The following SEMA3D variants were observed in gnomAD, a reference collection of about 807,000 sequenced individuals.
The protein encoded by SEMA3D is semaphorin 3D.
In SEMA3D, 84 loss-of-function variants were observed where a neutral mutation model predicts 100.1. The ratio of observed to expected loss-of-function variants is 0.84; its 90% CI spans 0.70 to 1.01. The LOEUF (loss-of-function observed/expected upper bound fraction) is 1.01, where lower values mean the gene tolerates loss of function less well. SEMA3D is among the 50% of genes least tolerant of loss of function. SEMA3D has a pLI of 0.00. For missense variants in SEMA3D, 875 were observed against 934.1 expected (o/e 0.94, Z 0.82); for synonymous variants, 312 against 320.7 (o/e 0.97, Z 0.29).
At position 85,119,294 on chromosome 7, in the gene SEMA3D, A is replaced by G. The variant is rs550353132; in HGVS notation, c.151+2447T>C. 7.2e-4 allele frequency among the ~76,000 whole-genome samples: 110 copies of G among 152,320 alleles called. 1 individual carries two copies. Among genetic ancestry groups the G allele is most frequent in the African/African-American group, 2.6e-3 (107 of 41,578 alleles). On this transcript the variant is annotated intron_variant, in intron 3 of 18. Transcript: ENST00000284136. ...ATACCCCCAAAATATAAATCTTTCT[A>G]TTATAAAGACACATGCATTTGTATG... is the stretch of plus-strand genomic sequence containing the variant.
the SEMA3D span, among the ~76,000 whole-genome samples, chr7:85,236,832 A>G: frequency 2.0e-5 from 3 of 152,334 alleles, no homozygotes; most frequent in African/African-American, 7.2e-5. Context: ...TGAGTAAAGT[A>G]CATAAGCTAA....
At chr7:85,142,413 A>G (rs1790078558) in intron 2 of SEMA3D, 3 of 918,038 alleles carry the variant, frequency 3.3e-6, no homozygotes, top group Non-Finnish European at 3.9e-6. Flanking sequence ...ACTCAATAAT[A>G]AAATCTTTCT....
chr7:85,037,176 C>CA, intron 11 of SEMA3D, 143 bp from the exon 12 acceptor site: 1 of 662,828 alleles, frequency 1.5e-6, no homozygotes. Context: ...AATGTGCCTA[C>CA]GTCCTCAAGT....
intron 1 of SEMA3D, among the ~76,000 whole-genome samples, chr7:85,175,115 A>C (rs1363737250): frequency 6.6e-6 from 1 of 152,186 alleles, no homozygotes; most frequent in Non-Finnish European, 1.5e-5. Flanking sequence ...TGTACTGCTA[A>C]ATAGTAGGGG....
Position 85,052,814 on chromosome 7 carries a change from T to C in SEMA3D, c.861+2903A>G, listed in dbSNP as rs142175127. 7.2e-3 allele frequency among the ~76,000 whole-genome samples: 1,091 copies of C among 152,120 alleles called. 18 individuals are homozygous for C. The highest frequency in any genetic ancestry group is 0.039 in the Admixed American group (596 of 15,226). Reference sequence around the variant, plus strand: ...ATTATTTCATATTTTGTTGCTGTTGTTGAAATAATTAGATAATAAAATAAT... The same window carrying C: ...ATTATTTCATATTTTGTTGCTGTTGCTGAAATAATTAGATAATAAAATAAT... On this transcript the variant is annotated intron_variant, in intron 9 of 18. Transcript: ENST00000284136.
chr7:85,172,756 C>T (rs1283760718), intron 1 of SEMA3D, among the ~76,000 whole-genome samples: 1 of 152,010 alleles, frequency 6.6e-6, no homozygotes, highest in African/African-American at 2.4e-5. Flanking sequence ...TCAAGTAGAG[C>T]AAGTTGAGCA....
chr7:85,191,235 C>T (rs750986952), upstream of SEMA3D, among the ~76,000 whole-genome samples: 7 of 152,080 alleles, frequency 4.6e-5, no homozygotes, highest in Non-Finnish European at 7.4e-5. Context: ...CGGTTTTCCA[C>T]GCCTGATATA....
chr7:85,181,669 C>T (rs988434356), intron 1 of SEMA3D: 6 of 411,452 alleles, frequency 1.5e-5, no homozygotes, highest in Non-Finnish European at 9.8e-6. Context: ...GCATGCTGAC[C>T]TCCTTCCAAA....
At chr7:85,249,176 AC>A in the SEMA3D span, among the ~76,000 whole-genome samples, 2 of 152,144 alleles carry the variant, frequency 1.3e-5, no homozygotes, top group African/African-American at 4.8e-5. Flanking sequence ...AAACAAACAA[AC>A]AAAAAACCTA....
Position 85,022,401 on chromosome 7 carries a change from A to C in SEMA3D, c.1404T>G (p.Phe468Leu), listed in dbSNP as rs932545695. ...IAEDGQYDVMFLGTDIGTVLK... is the reference protein window; with the variant it reads ...IAEDGQYDVMLLGTDIGTVLK... The stretch of plus-strand genomic sequence containing the variant: ...CTAGTTTTAGCTTACCTGTTCCAAG[A>C]AACATTACATCGTACTGGCCATCTT... The change falls in exon 13 of 19, where the codon TTT (phenylalanine) becomes TTG (leucine). Residue 468 changes from phenylalanine to leucine, a missense_variant. Phe to Leu is a conservative substitution (Grantham distance 22). Transcript: ENST00000284136. 1 of 1,610,560 alleles carries C rather than the reference A, an allele frequency of 6.2e-7. No homozygotes were observed. The highest frequency in any genetic ancestry group is 8.5e-7 in the Non-Finnish European group (1 of 1,177,246).
the SEMA3D span, among the ~76,000 whole-genome samples, chr7:85,210,044 G>A: frequency 6.6e-5 from 10 of 152,136 alleles, no homozygotes; most frequent in African/African-American, 2.4e-4. Flanking sequence ...CTCATTTACT[G>A]ATGAATAAAC....
the SEMA3D span, among the ~76,000 whole-genome samples, chr7:85,220,576 G>T: frequency 6.6e-6 from 1 of 151,946 alleles, no homozygotes; most frequent in Admixed American, 6.6e-5. Context: ...GTAATTTTGG[G>T]CAGCTAATTA....
chr7:85,109,354 T>C (rs557181042), intron 3 of SEMA3D, among the ~76,000 whole-genome samples: 2 of 152,160 alleles, frequency 1.3e-5, no homozygotes, highest in African/African-American at 4.8e-5. Flanking sequence ...TATATTTTAA[T>C]GTTTAGCATT....
intron 4 of SEMA3D, among the ~76,000 whole-genome samples, chr7:85,096,632 T>C (rs1177940952): frequency 6.6e-6 from 1 of 151,852 alleles, no homozygotes; most frequent in African/African-American, 2.4e-5. Context: ...CTTAAAAATG[T>C]GTGAAAGAAT....
chr7:85,037,037 G>GAAAA lies in SEMA3D; in HGVS notation c.1047-8_1047-5dup. On this transcript the variant is annotated splice_polypyrimidine_tract_variant and splice_region_variant and intron_variant, in intron 11 of 18. Coordinates refer to ENST00000284136, the MANE Select transcript of SEMA3D (RefSeq NM_001384900.1). ...AGCAGAGCCTTTGAAGATGGAGCTG[G>GAAAA]AAAAAAAAAGCATCATCATTCAATC... is the stretch of plus-strand genomic sequence containing the variant. 4 of 1,579,440 alleles carry GAAAA rather than the reference G, an allele frequency of 2.5e-6. No individual in the cohort carries two copies. The highest frequency in any genetic ancestry group is 3.7e-5 in the Admixed American group (2 of 53,856).
rs372690453 is a variant in SEMA3D at position 85,042,244 on chromosome 7, C to T, written c.903G>A (p.Thr301=). The change falls in exon 10 of 19, where the codon ACG becomes ACA. Residue 301 remains threonine (T), a synonymous_variant. Transcript: ENST00000284136. ...GGQRSLINKW[T]TFLKARLICS... ...AAATCAGTCTGGCCTTAAGAAAAGTCGTCCACTTGTTTATCAGGCTGCGTT... is the reference window on the plus strand; with the variant it reads ...AAATCAGTCTGGCCTTAAGAAAAGTTGTCCACTTGTTTATCAGGCTGCGTT... 32 of 1,613,328 alleles carry T rather than the reference C, an allele frequency of 2.0e-5. No individual in the cohort carries two copies. The highest frequency in any genetic ancestry group is 3.3e-5 in the Admixed American group (2 of 59,936).
chr7:85,121,942 G>T lies in SEMA3D; in HGVS notation c.-40-11C>A. The T allele has an allele frequency of 3.2e-5, 38 of 1,203,832 alleles. No individual in the cohort carries two copies. The highest frequency in any genetic ancestry group is 3.6e-5 in the Non-Finnish European group (32 of 879,260). 74.6% of individuals were successfully genotyped at this position (1,203,832 alleles called of 1,614,324 possible). On this transcript the variant is annotated splice_polypyrimidine_tract_variant and intron_variant, in intron 2 of 18. Coordinates refer to ENST00000284136, the MANE Select transcript of SEMA3D (RefSeq NM_001384900.1). ...TGGTGTTAATTTAATCTAAAAAAGA[G>T]TAAAAAAAAAAAAACTATTAAGGTA...
the SEMA3D span, among the ~76,000 whole-genome samples, chr7:85,232,463 T>G: frequency 6.6e-6 from 1 of 152,208 alleles, no homozygotes; most frequent in Non-Finnish European, 1.5e-5. Context: ...GTGGTGGCAG[T>G]GTAGAAAGAA....
At chr7:85,027,558 T>G (rs959408494) in intron 12 of SEMA3D, among the ~76,000 whole-genome samples, 1 of 152,066 alleles carries the variant, frequency 6.6e-6, no homozygotes, top group African/African-American at 2.4e-5. Flanking sequence ...TTTTACAGAA[T>G]ATTCTTAGTC....
Sources: allele counts gnomAD v4.1 joint callset (sites outside exome capture counted in the v4.1 genomes callset), GRCh38; gene constraint gnomAD v4.1.1; transcripts MANE v1.5; gene names NCBI Gene and HGNC (gene_info 2026-07-23, HGNC 2026-07-21).